The following KLF8 variants were observed in gnomAD, a reference collection of about 807,000 sequenced individuals.
The protein encoded by KLF8 is KLF transcription factor 8, also known as Krueppel-like factor 8.
In KLF8, 10 loss-of-function variants were observed where a neutral mutation model predicts 18.2. That is an observed-to-expected ratio of 0.55 (90% confidence interval 0.34 to 0.93). The LOEUF is 0.93. Ranked by LOEUF, KLF8 falls within the 40% of genes least tolerant of loss-of-function variation. The probability of loss-of-function intolerance (pLI) is 0.02; values close to 1 mark genes in which losing one functional copy is unlikely to be tolerated. For synonymous variants in KLF8, 109 were observed against 97.3 expected (o/e 1.12, Z -0.71); for missense variants, 264 against 277.9 (o/e 0.95, Z 0.36).
the KLF8 span, among the ~76,000 whole-genome samples, chrX:56,212,352 A>G: frequency 3.7e-5 from 2 of 53,498 alleles, no homozygotes; most frequent in Non-Finnish European, 1.0e-4. Context: ...TGCCCCCACA[A>G]TCCACTGTCT....
chrX:56,172,852 G>T, the KLF8 span, among the ~76,000 whole-genome samples: 2 of 112,069 alleles, frequency 1.8e-5, no homozygotes, highest in South Asian at 7.4e-4. Flanking sequence ...TTCTCTGATA[G>T]CCAGTGATGA....
intron 5 of KLF8, among the ~76,000 whole-genome samples, chrX:56,274,074 T>C (rs1054482929): frequency 1.8e-5 from 2 of 112,038 alleles, no homozygotes; most frequent in Admixed American, 1.9e-4. Flanking sequence ...ATAGCCCTAC[T>C]TTGTTTTCTG....
At chrX:56,250,126 T>C in intron 1 of KLF8, 105 bp from the exon 2 acceptor site, 1 of 560,961 alleles carries the variant, frequency 1.8e-6, no homozygotes, top group Non-Finnish European at 3.0e-6. Flanking sequence ...TGGTAAGCAC[T>C]GAAAGATAAA....
chrX:56,129,108 T>C, the KLF8 span, among the ~76,000 whole-genome samples: 1 of 111,949 alleles, frequency 8.9e-6, no homozygotes, highest in African/African-American at 3.2e-5. Flanking sequence ...ATCTAATCAG[T>C]TGCAAAATGA....
chrX:55,910,008 G>C, the KLF8 span, among the ~76,000 whole-genome samples: 1 of 111,614 alleles, frequency 9.0e-6, no homozygotes, highest in Non-Finnish European at 1.9e-5. Context: ...ATACTCCACA[G>C]GTCGAAGAGA....
At chrX:56,157,781 T>C in the KLF8 span, among the ~76,000 whole-genome samples, 9 of 111,996 alleles carry the variant, frequency 8.0e-5, no homozygotes, top group Admixed American at 3.8e-4. Context: ...TTGTAGATTC[T>C]GGATATTAGC....
chrX:56,207,213 C>T, the KLF8 span, among the ~76,000 whole-genome samples: 84 of 112,621 alleles, frequency 7.5e-4, no homozygotes, highest in South Asian at 0.027. Flanking sequence ...GCCCTGGAGA[C>T]ATTTTCCCCA....
chrX:56,121,721 T>C, the KLF8 span, among the ~76,000 whole-genome samples: 1 of 112,566 alleles, frequency 8.9e-6, no homozygotes, highest in African/African-American at 3.2e-5. Flanking sequence ...GTTTTCATTA[T>C]TGCCACAGTA....
the KLF8 span, among the ~76,000 whole-genome samples, chrX:55,931,530 A>C: frequency 9.0e-6 from 1 of 111,552 alleles, no homozygotes; most frequent in Non-Finnish European, 1.9e-5. Context: ...TTCCATCTAA[A>C]CACTGCTTTA....
the KLF8 span, among the ~76,000 whole-genome samples, chrX:55,978,202 G>A: frequency 5.4e-5 from 6 of 110,412 alleles, no homozygotes; most frequent in African/African-American, 9.9e-5. Context: ...TAGTATTTCC[G>A]TTTTGTGGCT....
the KLF8 span, among the ~76,000 whole-genome samples, chrX:56,160,118 C>CT: frequency 6.3e-5 from 7 of 111,792 alleles, no homozygotes; most frequent in Admixed American, 9.5e-5. Flanking sequence ...CAAAGAACAT[C>CT]TTTTTTTCTG....
chrX:56,061,405 C>A, the KLF8 span, among the ~76,000 whole-genome samples: 3 of 111,422 alleles, frequency 2.7e-5, no homozygotes, highest in Non-Finnish European at 5.6e-5. Context: ...TTTATTTCTG[C>A]CTTAATTTCG....
chrX:56,105,203 G>A, the KLF8 span, among the ~76,000 whole-genome samples: 1 of 111,782 alleles, frequency 8.9e-6, no homozygotes, highest in Non-Finnish European at 1.9e-5. Context: ...GATTTGGGGT[G>A]GAGAGTTCTA....
chrX:56,077,704 T>G, the KLF8 span, among the ~76,000 whole-genome samples: 1 of 111,822 alleles, frequency 8.9e-6, no homozygotes, highest in African/African-American at 3.3e-5. Context: ...TTGATGGGGA[T>G]GGCATTGAAT....
chrX:56,152,059 T>C, the KLF8 span, among the ~76,000 whole-genome samples: 1 of 112,047 alleles, frequency 8.9e-6, no homozygotes, highest in African/African-American at 3.2e-5. Flanking sequence ...AATTTATAGT[T>C]TTAGGAATTT....
At position 56,265,934 on chromosome X, in the gene KLF8, C is replaced by T. The variant is rs760388996; in HGVS notation, c.646+190C>T. The T allele has an allele frequency of 5.9e-5, 60 of 1,010,639 alleles. No individual in the cohort carries two copies. The African/African-American group carries it at 8.4e-4, about 14-fold the overall frequency. The allele number at this position is 1,010,639 out of a possible 1,213,427, so 83.3% of individuals were successfully genotyped here. A position where few individuals can be genotyped will look rare whatever the true frequency, so the allele number is the denominator to read the frequency against. The stretch of plus-strand genomic sequence containing the variant: ...TACAATGAGTCTTGATTAGACCATG[C>T]TTCTCAAACAAGTACAAGTATGCAT... On this transcript the variant is annotated intron_variant, in intron 3 of 5. Coordinates refer to ENST00000468660, the MANE Select transcript of KLF8 (RefSeq NM_007250.5).
the KLF8 span, among the ~76,000 whole-genome samples, chrX:56,221,536 A>G: frequency 9.0e-6 from 1 of 110,879 alleles, no homozygotes; most frequent in African/African-American, 3.3e-5. Flanking sequence ...GCGTGTCAGG[A>G]GTTTGTTCCT....
the KLF8 span, among the ~76,000 whole-genome samples, chrX:55,946,318 C>G: frequency 2.7e-5 from 3 of 111,177 alleles, no homozygotes; most frequent in Non-Finnish European, 5.7e-5. Flanking sequence ...ACAGAGCCCT[C>G]AGAAATAACA....
chrX:56,153,753 T>G, the KLF8 span, among the ~76,000 whole-genome samples: 6 of 111,338 alleles, frequency 5.4e-5, no homozygotes, highest in African/African-American at 1.6e-4. Flanking sequence ...AAAATCAATC[T>G]GCAAAAATCA....
Sources: gnomAD v4.1 joint callset for allele counts (sites outside exome capture counted in the v4.1 genomes callset) on GRCh38, gnomAD v4.1.1 for gene constraint, MANE v1.5 for transcripts, NCBI Gene and HGNC (gene_info 2026-07-23, HGNC 2026-07-21) for gene names.